The following BICD1 variants were observed in gnomAD, a reference collection of about 807,000 sequenced individuals.
The protein encoded by BICD1 is protein bicaudal D homolog 1.
In BICD1, 35 loss-of-function variants were observed where a neutral mutation model predicts 92.5. The ratio of observed to expected loss-of-function variants is 0.38; its 90% CI spans 0.29 to 0.50. BICD1 has a LOEUF of 0.50. BICD1 is among the 20% of genes least tolerant of loss of function. The probability of loss-of-function intolerance (pLI) is 0.93; values close to 1 mark genes in which losing one functional copy is unlikely to be tolerated. For missense variants in BICD1, 950 were observed against 1,189.8 expected, an observed-to-expected ratio of 0.80 and a Z score of 2.97; for synonymous variants, 429 against 465.1, an observed-to-expected ratio of 0.92 and a Z score of 1.00.
chr12:32,171,112 G>A (rs954551344), intron 1 of BICD1, among the ~76,000 whole-genome samples: 10 of 152,196 alleles, frequency 6.6e-5, no homozygotes, highest in African/African-American at 2.4e-4. Flanking sequence ...GCTCCTCCTG[G>A]GGATGCCTCT....
At chr12:32,231,124 T>C (rs1302719249) in intron 2 of BICD1, among the ~76,000 whole-genome samples, 2 of 152,164 alleles carry the variant, frequency 1.3e-5, no homozygotes, top group African/African-American at 4.8e-5. Context: ...TGAGGTTATT[T>C]TGGGGAGATG....
intron 1 of BICD1, among the ~76,000 whole-genome samples, chr12:32,165,343 G>A (rs1273160251): frequency 2.0e-5 from 3 of 152,078 alleles, no homozygotes; most frequent in African/African-American, 7.2e-5. Context: ...GTGAAACACC[G>A]TCTCTACTGA....
chr12:32,155,986 A>G (rs1413626346), intron 1 of BICD1, among the ~76,000 whole-genome samples: 1 of 152,218 alleles, frequency 6.6e-6, no homozygotes, highest in Non-Finnish European at 1.5e-5. Context: ...GGTGATTTAT[A>G]GATCTGTGTG....
intron 6 of BICD1, among the ~76,000 whole-genome samples, chr12:32,335,390 T>A (rs1430046993): frequency 6.6e-6 from 1 of 152,102 alleles, no homozygotes; most frequent in East Asian, 1.9e-4. Flanking sequence ...GACCTCATGA[T>A]CTGCCCGCCT....
rs200418729 is a variant in BICD1 at position 32,342,348 on chromosome 12, A to C, written c.2764+3369A>C. Among the ~76,000 whole-genome samples, 17 of 149,496 alleles carry C rather than the reference A, an allele frequency of 1.1e-4. No homozygotes were observed. The East Asian group carries it at 3.3e-3, about 29-fold the overall frequency. Reference sequence around the variant, plus strand: ...TGGCTCACTGCAAGCTCTGCCTCCCAGGTTCATGTCATTCTCCTGCCTCAG... The same window carrying C: ...TGGCTCACTGCAAGCTCTGCCTCCCCGGTTCATGTCATTCTCCTGCCTCAG... On this transcript the variant is annotated intron_variant, in intron 8 of 9. Transcript: ENST00000652176.
intron 2 of BICD1, among the ~76,000 whole-genome samples, chr12:32,257,440 A>C (rs1433995190): frequency 1.3e-5 from 2 of 152,208 alleles, no homozygotes; most frequent in African/African-American, 4.8e-5. Flanking sequence ...TCAAGCCTCC[A>C]TATCTCTTTG....
At chr12:32,173,131 T>G (rs1416695105) in intron 1 of BICD1, among the ~76,000 whole-genome samples, 1 of 151,696 alleles carries the variant, frequency 6.6e-6, no homozygotes, top group Non-Finnish European at 1.5e-5. Context: ...CACTGCAACC[T>G]CCGCCTCCAG....
At chr12:32,204,128 T>C (rs537054225) in intron 1 of BICD1, among the ~76,000 whole-genome samples, 32 of 152,028 alleles carry the variant, frequency 2.1e-4, no homozygotes, top group Non-Finnish European at 2.1e-4. Context: ...ACAGGTGGAT[T>C]GCTTGAGCCC....
intron 1 of BICD1, among the ~76,000 whole-genome samples, chr12:32,183,775 G>A (rs1944349913): frequency 1.3e-5 from 2 of 152,154 alleles, no homozygotes; most frequent in African/African-American, 4.8e-5. Flanking sequence ...AGGCCAACTG[G>A]GAGAGTCATT....
At chr12:32,239,187 C>G (rs1287427153) in intron 2 of BICD1, among the ~76,000 whole-genome samples, 1 of 141,990 alleles carries the variant, frequency 7.0e-6, no homozygotes, top group East Asian at 2.1e-4. Context: ...GCGGAGGTTG[C>G]AGTGAGTCAA....
chr12:32,146,165 T>C (rs1943095554), intron 1 of BICD1, among the ~76,000 whole-genome samples: 1 of 152,252 alleles, frequency 6.6e-6, no homozygotes, highest in Non-Finnish European at 1.5e-5. Context: ...AAGTTGACAG[T>C]TATTTATCAG....
chr12:32,169,479 A>G (rs990245284), intron 1 of BICD1, among the ~76,000 whole-genome samples: 3 of 151,826 alleles, frequency 2.0e-5, no homozygotes, highest in East Asian at 1.9e-4. Flanking sequence ...GCTCTCTGCT[A>G]TGTTGCCCAG....
At chr12:32,296,250 TTTTTTG>T (rs373003647) in intron 3 of BICD1, among the ~76,000 whole-genome samples, 32,477 of 95,012 alleles carry the variant, frequency 0.34, 4,225 homozygotes, top group Middle Eastern at 0.42. Context: ...GAAGGGGTTT[TTTTTTG>T]TTTTTTTTTT....
intron 8 of BICD1, 141 bp downstream of exon 8, chr12:32,339,120 TC>T: frequency 7.4e-7 from 1 of 1,349,208 alleles, no homozygotes; most frequent in Non-Finnish European, 9.4e-7. Flanking sequence ...AGTAAAAACT[TC>T]CTTACACTTA....
intron 2 of BICD1, among the ~76,000 whole-genome samples, chr12:32,245,336 TC>T (rs1946351765): frequency 6.7e-6 from 1 of 149,144 alleles, no homozygotes; most frequent in East Asian, 2.2e-4. Flanking sequence ...AAGCTCCCCC[TC>T]CCAGGTTCAC....
chr12:32,131,552 A>G (rs986810240), intron 1 of BICD1, among the ~76,000 whole-genome samples: 2 of 152,214 alleles, frequency 1.3e-5, no homozygotes, highest in South Asian at 4.1e-4. Flanking sequence ...GTGATTTGGG[A>G]TATTTTAAGT....
At position 32,168,007 on chromosome 12, in the gene BICD1, C is replaced by CGTGTGTGTGT. The variant is rs10568100; in HGVS notation, c.214-48219_214-48210dup. ...TAACATGAAGGTTAAAAGGAGATGG[C>CGTGTGTGTGT]GTGTGTGTGTGTGTGTGTGTGTGTG... On this transcript the variant is annotated intron_variant, in intron 1 of 9. Coordinates refer to ENST00000652176, the MANE Select transcript of BICD1 (RefSeq NM_001714.4). Among the ~76,000 whole-genome samples the CGTGTGTGTGT allele has an allele frequency of 5.2e-3, 786 of 149,892 alleles. 4 individuals are homozygous for CGTGTGTGTGT. The highest frequency in any genetic ancestry group is 0.037 in the East Asian group (187 of 5,082).
chr12:32,339,428 A>C, intron 8 of BICD1: 1 of 986,486 alleles, frequency 1.0e-6, no homozygotes, highest in Non-Finnish European at 1.2e-6. Context: ...ACGTCTCCTC[A>C]ATCATTATAT....
At chr12:32,306,737 G>A (rs1027703665) in intron 4 of BICD1, among the ~76,000 whole-genome samples, 2 of 151,846 alleles carry the variant, frequency 1.3e-5, no homozygotes, top group Admixed American at 6.6e-5. Flanking sequence ...TCCTTGGGCC[G>A]GGCGCGGTGG....
Sources: allele counts gnomAD v4.1 joint callset (sites outside exome capture counted in the v4.1 genomes callset), GRCh38; gene constraint gnomAD v4.1.1; transcripts MANE v1.5; gene names NCBI Gene and HGNC (gene_info 2026-07-23, HGNC 2026-07-21).